RFC1: variants seen among roughly 807,000 people sequenced by gnomAD.
The protein encoded by RFC1 is replication factor C subunit 1.
In RFC1, 37 loss-of-function variants were observed where a neutral mutation model predicts 137.4. The ratio of observed to expected loss-of-function variants is 0.27; its 90% CI spans 0.21 to 0.35. The LOEUF (loss-of-function observed/expected upper bound fraction) is 0.35. RFC1 is among the 10% of genes least tolerant of loss of function. The pLI is 1.00. For synonymous variants in RFC1, 429 were observed against 455.7 expected, an observed-to-expected ratio of 0.94 and a Z score of 0.75; for missense variants, 1,205 against 1,358.5, an observed-to-expected ratio of 0.89 and a Z score of 1.78.
At position 39,288,647 on chromosome 4, in the gene RFC1, T is replaced by C; in HGVS notation, c.*114A>G. Reference sequence around the variant, plus strand: ...CCTTTATTTATAATGGGACACCAGGTCATCCCATTATGCTAAAACATGGTT... The same window carrying C: ...CCTTTATTTATAATGGGACACCAGGCCATCCCATTATGCTAAAACATGGTT... On this transcript the variant is annotated 3_prime_UTR_variant, in exon 25 of 25. Transcript: ENST00000349703. 1 of 702,558 alleles carries C rather than the reference T, an allele frequency of 1.4e-6. No individual in the cohort carries two copies. Among genetic ancestry groups the C allele is most frequent in the Non-Finnish European group, 2.5e-6 (1 of 393,264 alleles). The allele number at this position is 702,558 out of a possible 1,614,324, so 43.5% of individuals were successfully genotyped here. A position where few individuals can be genotyped will look rare whatever the true frequency, so the allele number is the denominator to read the frequency against.
At chr4:39,348,451 A>ACGGG (rs1741003104) in intron 2 of RFC1, among the ~76,000 whole-genome samples, 1 of 129,864 alleles carries the variant, frequency 7.7e-6, no homozygotes. Context: ...AAAGAAAAGA[A>ACGGG]AAGAAAAGAA....
At chr4:39,313,755 G>A (rs1279007711) in intron 10 of RFC1, among the ~76,000 whole-genome samples, 1 of 152,196 alleles carries the variant, frequency 6.6e-6, no homozygotes, top group African/African-American at 2.4e-5. Context: ...AAAAAGCTAA[G>A]CAAGTGTGAG....
At chr4:39,364,681 A>G (rs931898423) in intron 1 of RFC1, among the ~76,000 whole-genome samples, 1 of 152,188 alleles carries the variant, frequency 6.6e-6, no homozygotes, top group Non-Finnish European at 1.5e-5. Context: ...GTAGCTGTGT[A>G]GTTGCCTAAC....
chr4:39,354,749 CAA>C (rs34342477), intron 1 of RFC1, among the ~76,000 whole-genome samples: 3,344 of 51,028 alleles, frequency 0.066, 123 homozygotes, highest in African/African-American at 0.23. Context: ...GAAACTATCT[CAA>C]AAAAAAAAAA....
At chr4:39,339,801 A>C (rs528817871) in intron 4 of RFC1, among the ~76,000 whole-genome samples, 1 of 152,308 alleles carries the variant, frequency 6.6e-6, no homozygotes, top group Admixed American at 6.5e-5. Context: ...CATAGCCACA[A>C]ATAACTAGTA....
chr4:39,329,128 A>C (rs1402534970), intron 4 of RFC1, among the ~76,000 whole-genome samples: 1 of 30,676 alleles, frequency 3.3e-5, no homozygotes, highest in Non-Finnish European at 8.4e-5. Context: ...AGTGACTCAC[A>C]AAAAAAAAAA....
intron 4 of RFC1, 24 bp from the exon 5 acceptor site, chr4:39,327,780 T>C (rs1739855979): frequency 4.7e-6 from 7 of 1,502,482 alleles, no homozygotes; most frequent in African/African-American, 1.4e-5. Context: ...TAACCAAATA[T>C]TTTTTATAAA....
chr4:39,324,466 T>C (rs918759866), intron 6 of RFC1, among the ~76,000 whole-genome samples: 11 of 152,308 alleles, frequency 7.2e-5, no homozygotes, highest in African/African-American at 2.6e-4. Flanking sequence ...AATTACTTCC[T>C]AGTTTGACCT....
Position 39,291,629 on chromosome 4 carries a change from C to A in RFC1, c.3168+10G>T, listed in dbSNP as rs764834520. The A allele has an allele frequency of 3.8e-6, 6 of 1,592,404 alleles. No homozygotes were observed. The highest frequency in any genetic ancestry group is 5.2e-6 in the Non-Finnish European group (6 of 1,160,256). ...AAAGTGACGAAGAACCAGTGAGTGA[C>A]ATGATTTACCTTGGGATCCAGCTTT... On this transcript the variant is annotated intron_variant, in intron 23 of 24. Transcript: ENST00000349703.
At chr4:39,357,328 A>G (rs768763475) in intron 1 of RFC1, among the ~76,000 whole-genome samples, 1 of 152,206 alleles carries the variant, frequency 6.6e-6, no homozygotes, top group Non-Finnish European at 1.5e-5. Context: ...TGAAGTCATA[A>G]TATTTACTAT....
chr4:39,355,319 C>T (rs1560624455), intron 1 of RFC1, among the ~76,000 whole-genome samples: 1 of 151,734 alleles, frequency 6.6e-6, no homozygotes, highest in African/African-American at 2.4e-5. Context: ...CCTGTAGTCC[C>T]AGCTACTCAG....
intron 23 of RFC1, among the ~76,000 whole-genome samples, chr4:39,290,826 A>AG (rs1184280996): frequency 2.0e-5 from 3 of 151,540 alleles, no homozygotes; most frequent in Non-Finnish European, 2.9e-5. Flanking sequence ...AAAAAAAAAA[A>AG]AGGTTGGGGG....
At chr4:39,329,939 G>A (rs1216806868) in intron 4 of RFC1, among the ~76,000 whole-genome samples, 1 of 152,004 alleles carries the variant, frequency 6.6e-6, no homozygotes, top group East Asian at 1.9e-4. Context: ...GGCAGCTGAG[G>A]CAGGAGAATC....
intron 19 of RFC1, among the ~76,000 whole-genome samples, chr4:39,301,157 C>T (rs552019057): frequency 6.6e-6 from 1 of 151,574 alleles, no homozygotes; most frequent in Non-Finnish European, 1.5e-5. Context: ...TATGCCATTA[C>T]TACGTGAAAA....
Position 39,365,380 on chromosome 4 carries a change from G to C in RFC1, c.3+859C>G, listed in dbSNP as rs571206726. ...TGATTGAAAAAAATTATATCGGATT[G>C]TTAAGTATCTTCTAGCTTAATGAAC... On this transcript the variant is annotated intron_variant, in intron 1 of 24. Transcript: ENST00000349703. The C allele has an allele frequency of 3.2e-4, 245 of 775,916 alleles. 1 individual carries two copies. Among genetic ancestry groups the C allele is most frequent in the Non-Finnish European group, 3.7e-4 (238 of 639,256 alleles). The allele number at this position is 775,916 out of a possible 1,614,324, so 48.1% of individuals were successfully genotyped here.
chr4:39,312,720 T>C (rs1158407036), intron 11 of RFC1, 32 bp downstream of exon 11: 1 of 1,580,852 alleles, frequency 6.3e-7, no homozygotes, highest in Non-Finnish European at 8.6e-7. Flanking sequence ...AGGCAGGAGG[T>C]GTCATGGTGT....
chr4:39,313,832 G>A (rs1739096589), intron 10 of RFC1, among the ~76,000 whole-genome samples: 1 of 152,122 alleles, frequency 6.6e-6, no homozygotes, highest in Non-Finnish European at 1.5e-5. Context: ...TAACTTAAAG[G>A]CAAGATCGTA....
At chr4:39,319,362 T>C (rs1269345923) in intron 9 of RFC1, among the ~76,000 whole-genome samples, 3 of 152,204 alleles carry the variant, frequency 2.0e-5, no homozygotes, top group Non-Finnish European at 4.4e-5. Flanking sequence ...GCCCTGCCAC[T>C]TACCAGGTGG....
intron 1 of RFC1, among the ~76,000 whole-genome samples, chr4:39,354,283 A>C (rs1257447039): frequency 1.3e-5 from 2 of 152,184 alleles, no homozygotes; most frequent in Non-Finnish European, 2.9e-5. Context: ...CTGAGGTATA[A>C]ACATCTAAGA....
Sources: allele counts gnomAD v4.1 joint callset (sites outside exome capture counted in the v4.1 genomes callset), GRCh38; gene constraint gnomAD v4.1.1; transcripts MANE v1.5; gene names NCBI Gene and HGNC (gene_info 2026-07-23, HGNC 2026-07-21).